The following MIS18BP1 variants were observed in gnomAD, a reference collection of about 807,000 sequenced individuals.
MIS18BP1 encodes mis18-binding protein 1.
MIS18BP1 carries 72 observed loss-of-function variants against 116.1 expected under a neutral mutation model. The observed-to-expected ratio is 0.62, with a 90% confidence interval of 0.51 to 0.75. The LOEUF is 0.75. Ranked by LOEUF, MIS18BP1 falls within the 30% of genes least tolerant of loss-of-function variation. The pLI is 0.00. For synonymous variants in MIS18BP1, 386 were observed against 427.0 expected (o/e 0.90, Z 1.18); for missense variants, 1,363 against 1,303.2 (o/e 1.05, Z -0.71).
intron 13 of MIS18BP1, among the ~76,000 whole-genome samples, chr14:45,214,981 T>C (rs1264063379): frequency 6.6e-6 from 1 of 152,096 alleles, no homozygotes; most frequent in Non-Finnish European, 1.5e-5. Flanking sequence ...AAACTCCTGA[T>C]CTCAGGTGAT....
chr14:45,224,344 A>G lies in MIS18BP1; in HGVS notation c.2243T>C (p.Leu748Ser), dbSNP rs1891061978. Residue 748 changes from leucine (L) to serine (S), a missense_variant, in exon 11 of 17, where the codon TTA becomes TCA. Transcript: ENST00000310806. ...ATTTTCTATTTTCTTCAATTTTGGTAATAGTCTGGTATTTTTCTTAAAGTC... is the reference window on the plus strand; with the variant it reads ...ATTTTCTATTTTCTTCAATTTTGGTGATAGTCTGGTATTTTTCTTAAAGTC... ...TSDFKKNTRL[L>S]PKLKKIENQV... is the part of the protein sequence containing the mutation. The G allele has an allele frequency of 9.3e-6, 15 of 1,613,868 alleles. No individual in the cohort carries two copies. The East Asian group carries it at 3.3e-4, about 36-fold the overall frequency.
chr14:45,221,130 G>C (rs376823999), intron 11 of MIS18BP1, among the ~76,000 whole-genome samples: 1 of 150,356 alleles, frequency 6.7e-6, no homozygotes, highest in African/African-American at 2.5e-5. Context: ...GTGAGACTCT[G>C]TCTCCAAAAA....
chr14:45,247,730 A>G (rs902255996), intron 1 of MIS18BP1, among the ~76,000 whole-genome samples: 2 of 152,136 alleles, frequency 1.3e-5, no homozygotes, highest in Admixed American at 1.3e-4. Context: ...AAAACAAAAT[A>G]AAAGATATAT....
chr14:45,208,553 C>T lies in MIS18BP1; in HGVS notation c.3152+1827G>A, dbSNP rs143249477. On this transcript the variant is annotated intron_variant, in intron 14 of 16. Coordinates refer to ENST00000310806, the MANE Select transcript of MIS18BP1 (RefSeq NM_018353.5). ...TTCACTATGTTGGCCAGACTGGTCT[C>T]GAACTTCTGACCTTGTGATCCGTCG... 5.4e-3 allele frequency among the ~76,000 whole-genome samples: 827 copies of T among 152,018 alleles called. 4 individuals carry two copies. Among genetic ancestry groups the T allele is most frequent in the Non-Finnish European group, 9.0e-3 (611 of 67,988 alleles).
chr14:45,249,785 C>A (rs1668431572), intron 1 of MIS18BP1, among the ~76,000 whole-genome samples: 1 of 152,082 alleles, frequency 6.6e-6, no homozygotes, highest in African/African-American at 2.4e-5. Context: ...GCAGGAGAAT[C>A]ACTTGAACCT....
At chr14:45,215,017 C>T (rs1566804540) in intron 13 of MIS18BP1, among the ~76,000 whole-genome samples, 1 of 152,176 alleles carries the variant, frequency 6.6e-6, no homozygotes, top group Non-Finnish European at 1.5e-5. Context: ...TCCCAAAGTG[C>T]TGGGATTACA....
chr14:45,227,437 G>T (rs1484651495), intron 9 of MIS18BP1, among the ~76,000 whole-genome samples: 1 of 151,730 alleles, frequency 6.6e-6, no homozygotes, highest in African/African-American at 2.4e-5. Context: ...AACCCAGGAG[G>T]TGGAGGTTGA....
At chr14:45,211,893 C>T (rs74571261) in intron 13 of MIS18BP1, among the ~76,000 whole-genome samples, 2,979 of 152,308 alleles carry the variant, frequency 0.02, 96 homozygotes, top group African/African-American at 0.068. Flanking sequence ...CAAAGCTTCA[C>T]TGATACAAAG....
intron 4 of MIS18BP1, among the ~76,000 whole-genome samples, chr14:45,238,670 T>TA (rs1891492272): frequency 6.6e-6 from 1 of 151,956 alleles, no homozygotes; most frequent in East Asian, 1.9e-4. Context: ...AAAAAAAGTT[T>TA]AAAAATTAGC....
At chr14:45,218,243 C>A in intron 12 of MIS18BP1, 39 bp downstream of exon 12, 1 of 1,583,080 alleles carries the variant, frequency 6.3e-7, no homozygotes, top group Non-Finnish European at 8.6e-7. Context: ...GAAATCAACA[C>A]TGAGTACTAG....
chr14:45,252,538 G>T (rs1891905885), intron 1 of MIS18BP1, among the ~76,000 whole-genome samples: 1 of 152,176 alleles, frequency 6.6e-6, no homozygotes. Context: ...GAGCTCAAAA[G>T]ATCCACCCGC....
chr14:45,212,084 G>A (rs1472664083), intron 13 of MIS18BP1, among the ~76,000 whole-genome samples: 1 of 152,136 alleles, frequency 6.6e-6, no homozygotes, highest in Non-Finnish European at 1.5e-5. Context: ...TCAGGGCTTT[G>A]CTCACATTGG....
chr14:45,231,029 A>C (rs34842824), intron 8 of MIS18BP1, 112 bp downstream of exon 8: 71,493 of 1,082,448 alleles, frequency 0.066, 2,716 homozygotes, highest in Middle Eastern at 0.091. Context: ...AGTATAAGTC[A>C]AAGAATACTA....
At chr14:45,223,696 T>C (rs1241521447) in intron 11 of MIS18BP1, among the ~76,000 whole-genome samples, 1 of 152,222 alleles carries the variant, frequency 6.6e-6, no homozygotes, top group Admixed American at 6.5e-5. Flanking sequence ...CACTTTTACT[T>C]TCCTCATACT....
intron 8 of MIS18BP1, 82 bp from the exon 9 acceptor site, chr14:45,227,896 G>A (rs992444293): frequency 5.7e-6 from 8 of 1,415,878 alleles, no homozygotes; most frequent in Middle Eastern, 2.1e-4. Flanking sequence ...TAACTTTGAC[G>A]CTAGGTGTGG....
At chr14:45,243,801 G>A (rs2139240917) in intron 2 of MIS18BP1, among the ~76,000 whole-genome samples, 1 of 152,116 alleles carries the variant, frequency 6.6e-6, no homozygotes, top group East Asian at 1.9e-4. Flanking sequence ...CACTTATGTG[G>A]GAGTCCCAGG....
intron 7 of MIS18BP1, among the ~76,000 whole-genome samples, chr14:45,232,086 G>A (rs1487007237): frequency 3.3e-5 from 5 of 152,108 alleles, no homozygotes; most frequent in African/African-American, 1.2e-4. Flanking sequence ...AAATGTTATT[G>A]CTTCTGAAAT....
At chr14:45,238,951 GTTTC>G (rs1891500257) in intron 4 of MIS18BP1, among the ~76,000 whole-genome samples, 1 of 152,042 alleles carries the variant, frequency 6.6e-6, no homozygotes. Context: ...CCTTTTAAAT[GTTTC>G]TTTCTGAAAA....
At chr14:45,217,316 C>G in intron 12 of MIS18BP1, 137 bp from the exon 13 acceptor site, 3 of 953,126 alleles carry the variant, frequency 3.1e-6, no homozygotes, top group Admixed American at 2.6e-5. Flanking sequence ...TGGCCAGGCT[C>G]AGTGGCTCAT....
Sources: gnomAD v4.1 joint callset for allele counts (sites outside exome capture counted in the v4.1 genomes callset) on GRCh38, gnomAD v4.1.1 for gene constraint, MANE v1.5 for transcripts, NCBI Gene and HGNC (gene_info 2026-07-23, HGNC 2026-07-21) for gene names.